Variants in RUFY4 observed in about 807,000 individuals in gnomAD.
RUFY4 encodes RUN and FYVE domain-containing protein 4.
Under a neutral mutation model 69.0 loss-of-function variants are expected in RUFY4, and 73 were observed. That is an observed-to-expected ratio of 1.06 (90% CI 0.88 to 1.29). The LOEUF is 1.29. Ranked by LOEUF, RUFY4 falls within the 50% of genes most tolerant of loss-of-function variation. The pLI, the probability that RUFY4 is intolerant of heterozygous loss-of-function variation, is 0.00. For missense variants in RUFY4, 770 were observed against 705.6 expected (o/e 1.09, Z -1.03); for synonymous variants, 287 against 271.8 (o/e 1.06, Z -0.55).
chr2:218,042,932 C>T (rs1345831138), intron 2 of RUFY4, among the ~76,000 whole-genome samples: 1 of 152,126 alleles, frequency 6.6e-6, no homozygotes, highest in African/African-American at 2.4e-5. Context: ...TTTGTTTCTA[C>T]AAAATAAATC....
At chr2:218,066,011 G>A (rs1021196122), upstream of RUFY4, among the ~76,000 whole-genome samples, 1 of 152,084 alleles carries the variant, frequency 6.6e-6, no homozygotes, top group East Asian at 1.9e-4. Flanking sequence ...GGGGACAAGG[G>A]GGGTGGGGAA....
intron 2 of RUFY4, among the ~76,000 whole-genome samples, chr2:218,046,349 C>T (rs939339864): frequency 2.0e-5 from 3 of 151,944 alleles, no homozygotes; most frequent in Non-Finnish European, 2.9e-5. Context: ...TCTCACTACT[C>T]CCCCTGCCAC....
At chr2:218,089,484 AGC>A in intron 10 of RUFY4, 122 bp downstream of exon 12, 1 of 729,616 alleles carries the variant, frequency 1.4e-6, no homozygotes, top group Non-Finnish European at 2.3e-6. Context: ...GGCCACTTAC[AGC>A]TGACTACTCA....
chr2:218,075,063 G>A (rs1400414007), intron 6 of RUFY4, 30 bp from the exon 9 acceptor site: 6 of 1,486,244 alleles, frequency 4.0e-6, no homozygotes, highest in Non-Finnish European at 4.5e-6. Flanking sequence ...GGTGCTGAGA[G>A]GGATGACTGG....
intron 10 of RUFY4, chr2:218,089,718 G>A (rs1205193429): frequency 1.4e-5 from 10 of 703,718 alleles, no homozygotes; most frequent in Non-Finnish European, 2.6e-5. Flanking sequence ...AGAGGAAAGT[G>A]AGCCACCAGG....
At chr2:218,040,499 A>G (rs1428696950) in intron 2 of RUFY4, among the ~76,000 whole-genome samples, 1 of 152,062 alleles carries the variant, frequency 6.6e-6, no homozygotes, top group Non-Finnish European at 1.5e-5. Context: ...TTTATTTTAG[A>G]AAACGTGTTC....
chr2:218,061,951 G>T (rs572960328), intron 3 of RUFY4, among the ~76,000 whole-genome samples: 6 of 152,350 alleles, frequency 3.9e-5, no homozygotes, highest in African/African-American at 1.4e-4. Flanking sequence ...TATTTTGAAA[G>T]AAATGTTCTG....
At chr2:218,040,381 A>C (rs1959045042) in intron 2 of RUFY4, among the ~76,000 whole-genome samples, 1 of 152,098 alleles carries the variant, frequency 6.6e-6, no homozygotes, top group Admixed American at 6.5e-5. Context: ...AGTCACTCTG[A>C]TCTCTGAGCT....
At chr2:218,045,953 C>A (rs1209376949) in intron 2 of RUFY4, among the ~76,000 whole-genome samples, 1 of 152,068 alleles carries the variant, frequency 6.6e-6, no homozygotes, top group Non-Finnish European at 1.5e-5. Context: ...TACAGGCTCC[C>A]GCCATGGCGC....
exon 7 of RUFY4, chr2:218,075,510 A>G (rs921921692): frequency 1.9e-6 from 3 of 1,571,998 alleles, no homozygotes; most frequent in Non-Finnish European, 2.6e-6. Context: ...AGCAGAGTGG[A>G]GTCACGTCCA....
At chr2:218,079,606 G>A (rs1689714306) in intron 8 of RUFY4, among the ~76,000 whole-genome samples, 1 of 152,102 alleles carries the variant, frequency 6.6e-6, no homozygotes, top group Non-Finnish European at 1.5e-5. Flanking sequence ...CGATCCTGGA[G>A]TCCTCAGAGT....
upstream of RUFY4, among the ~76,000 whole-genome samples, chr2:218,069,958 G>A (rs189823135): frequency 1.1e-3 from 166 of 152,244 alleles, 1 homozygote; most frequent in Non-Finnish European, 1.6e-3. Flanking sequence ...CACACACGCA[G>A]CATGTGCTCA....
At chr2:218,076,334 G>C in intron 7 of RUFY4, 93 bp from the exon 10 acceptor site, 1 of 1,482,764 alleles carries the variant, frequency 6.7e-7, no homozygotes, top group Non-Finnish European at 9.0e-7. Flanking sequence ...GGCATGGCCT[G>C]GGGTCTCTCG....
intron 2 of RUFY4, among the ~76,000 whole-genome samples, chr2:218,044,501 A>G (rs971602602): frequency 6.6e-6 from 1 of 152,086 alleles, no homozygotes; most frequent in Admixed American, 6.5e-5. Flanking sequence ...AACTTGTGTC[A>G]TGGGGGTTTG....
rs565825021 is a variant in RUFY4, at chr2:218,081,353, A to G, written c.1356-1757A>G. Among the ~76,000 whole-genome samples, 15 of 152,222 alleles carry G rather than the reference A, an allele frequency of 9.9e-5. No homozygotes were observed. The South Asian group carries it at 1.0e-3, about 11-fold the overall frequency. ...TACATGTGCCCATGCCTGGCTCTATATTGCTGACTTTTCATCTTCTGGGTC... is the reference window on the plus strand; with the variant it reads ...TACATGTGCCCATGCCTGGCTCTATGTTGCTGACTTTTCATCTTCTGGGTC... On this transcript the variant is annotated intron_variant, in intron 8 of 10. Coordinates refer to ENST00000344321, the Ensembl canonical transcript of RUFY4.
chr2:218,040,850 G>T (rs915046884), intron 2 of RUFY4, among the ~76,000 whole-genome samples: 1 of 152,042 alleles, frequency 6.6e-6, no homozygotes, highest in Admixed American at 6.6e-5. Context: ...CAGATGAGAA[G>T]ACTGAAATCT....
intron 2 of RUFY4, among the ~76,000 whole-genome samples, chr2:218,056,903 T>A (rs150608438): frequency 0.028 from 4,192 of 152,166 alleles, 198 homozygotes; most frequent in African/African-American, 0.096. Flanking sequence ...CTGGTCAACA[T>A]GGTGAAACCC....
At chr2:218,061,062 T>C (rs1286577433) in intron 3 of RUFY4, 8 of 630,358 alleles carry the variant, frequency 1.3e-5, no homozygotes, top group African/African-American at 1.3e-4. Flanking sequence ...CTAGACCACC[T>C]GGCACAGATT....
At chr2:218,054,747 T>A (rs1689023312) in intron 2 of RUFY4, among the ~76,000 whole-genome samples, 1 of 152,218 alleles carries the variant, frequency 6.6e-6, no homozygotes, top group South Asian at 2.1e-4. Flanking sequence ...TACTTAAATG[T>A]CTTGTTTTCC....
Sources: gnomAD v4.1 joint callset for allele counts (sites outside exome capture counted in the v4.1 genomes callset) on GRCh38, gnomAD v4.1.1 for gene constraint, MANE v1.5 for transcripts, NCBI Gene and HGNC (gene_info 2026-07-23, HGNC 2026-07-21) for gene names.